The following DCC variants were observed in gnomAD, a reference collection of about 807,000 sequenced individuals.
DCC encodes netrin receptor DCC.
DCC carries 58 observed loss-of-function variants against 172.5 expected under a neutral mutation model. That is an observed-to-expected ratio of 0.34 (90% CI 0.27 to 0.42). The LOEUF (loss-of-function observed/expected upper bound fraction) is 0.42, where lower values mean the gene tolerates loss of function less well. DCC is among the 10% of genes least tolerant of loss of function. The probability of loss-of-function intolerance (pLI) is 1.00; values close to 1 mark genes in which losing one functional copy is unlikely to be tolerated. For missense variants in DCC, 1,740 were observed against 1,791.0 expected (o/e 0.97, Z 0.51); for synonymous variants, 709 against 644.5 (o/e 1.10, Z -1.52).
At chr18:53,522,688 G>A (rs748501533) in intron 27 of DCC, among the ~76,000 whole-genome samples, 5 of 152,202 alleles carry the variant, frequency 3.3e-5, no homozygotes, top group Non-Finnish European at 5.9e-5. Flanking sequence ...TTTAATAAAT[G>A]GTGTTGGGAA....
In DCC at chr18:53,026,235, GAA is replaced by G. The variant is rs745861023; in HGVS notation, c.986-37065_986-37064del. Among the ~76,000 whole-genome samples the G allele has an allele frequency of 2.0e-5, 3 of 152,052 alleles. No homozygotes were observed. The South Asian group carries it at 6.2e-4, about 32-fold the overall frequency. ...TTAAACTTAATTTAGAAAATTGGGT[GAA>G]AAAAGAAAATTTAATGCTCTGTCAC... On this transcript the variant is annotated intron_variant, in intron 5 of 28. Coordinates refer to ENST00000442544, the MANE Select transcript of DCC (RefSeq NM_005215.4).
At position 52,440,570 on chromosome 18, in the gene DCC, C is replaced by T. The variant is rs577803174; in HGVS notation, c.91+99692C>T. Among the ~76,000 whole-genome samples the T allele has an allele frequency of 1.2e-4, 18 of 152,306 alleles. No homozygotes were observed. In the East Asian group the frequency reaches 3.3e-3, roughly 28 times the overall value. On this transcript the variant is annotated intron_variant, in intron 1 of 28. Transcript: ENST00000442544. The stretch of plus-strand genomic sequence containing the variant: ...AAAGGGAGTGATATTGCATAGTAAA[C>T]AGTAAATGCCTCACACAATGGGAAC...
At chr18:53,190,044 A>G (rs2055342586) in intron 9 of DCC, among the ~76,000 whole-genome samples, 1 of 152,166 alleles carries the variant, frequency 6.6e-6, no homozygotes. Flanking sequence ...CTCCTGCCTC[A>G]GCCTCCCGAG....
intron 2 of DCC, among the ~76,000 whole-genome samples, chr18:52,793,949 TAGG>T (rs1279206894): frequency 9.9e-5 from 15 of 151,994 alleles, no homozygotes; most frequent in South Asian, 2.1e-4. Context: ...TGGCTGTAAA[TAGG>T]AGGATTAATT....
At chr18:52,856,254 T>C (rs1356120936) in intron 2 of DCC, among the ~76,000 whole-genome samples, 2 of 152,114 alleles carry the variant, frequency 1.3e-5, no homozygotes, top group Non-Finnish European at 2.9e-5. Flanking sequence ...GATAGATAAT[T>C]TCATTATTCT....
intron 5 of DCC, among the ~76,000 whole-genome samples, chr18:52,941,711 C>G (rs2040467842): frequency 6.6e-6 from 1 of 151,490 alleles, no homozygotes; most frequent in Admixed American, 6.6e-5. Context: ...ACCAAAGAGA[C>G]TACTATTAAT....
At chr18:53,236,813 A>G (rs11664095) in intron 12 of DCC, among the ~76,000 whole-genome samples, 52,257 of 151,874 alleles carry the variant, frequency 0.34, 10,719 homozygotes, top group East Asian at 0.6. Context: ...GGCACCATTT[A>G]TTAAAAGAGT....
chr18:53,329,993 C>A (rs1568060526), intron 14 of DCC, among the ~76,000 whole-genome samples: 1 of 152,160 alleles, frequency 6.6e-6, no homozygotes, highest in Non-Finnish European at 1.5e-5. Context: ...ATTGCCAGTA[C>A]TTTTAGCAGA....
At chr18:53,065,685 T>C (rs551248836) in intron 6 of DCC, among the ~76,000 whole-genome samples, 8 of 152,332 alleles carry the variant, frequency 5.3e-5, no homozygotes, top group African/African-American at 1.9e-4. Flanking sequence ...CTGAACTTCC[T>C]TCAATAACAA....
chr18:52,628,877 G>A (rs544759428), intron 1 of DCC, among the ~76,000 whole-genome samples: 5 of 152,268 alleles, frequency 3.3e-5, no homozygotes, highest in Non-Finnish European at 7.4e-5. Context: ...CCTAAGTTGG[G>A]CATCTGTGCA....
chr18:53,502,015 AAAT>A (rs748359969), intron 27 of DCC, among the ~76,000 whole-genome samples: 15 of 152,202 alleles, frequency 9.9e-5, no homozygotes, highest in Non-Finnish European at 1.8e-4. Context: ...TAATTTCATC[AAAT>A]AATAAGCATG....
chr18:53,454,772 T>A (rs894171856), intron 23 of DCC, among the ~76,000 whole-genome samples: 4 of 152,186 alleles, frequency 2.6e-5, no homozygotes, highest in Admixed American at 1.3e-4. Flanking sequence ...ATCTACAGTA[T>A]TTTAACTATT....
At chr18:53,272,349 T>C (rs1210459687) in intron 12 of DCC, among the ~76,000 whole-genome samples, 1 of 152,180 alleles carries the variant, frequency 6.6e-6, no homozygotes, top group Admixed American at 6.6e-5. Context: ...ATACATTGTA[T>C]TTTTCTATGT....
intron 1 of DCC, among the ~76,000 whole-genome samples, chr18:52,511,815 C>T (rs534419033): frequency 7.2e-5 from 11 of 152,272 alleles, no homozygotes; most frequent in East Asian, 5.8e-4. Flanking sequence ...TGTGATTGGA[C>T]GGGAACACAG....
intron 1 of DCC, among the ~76,000 whole-genome samples, chr18:52,641,247 T>C (rs1190686619): frequency 1.3e-5 from 2 of 152,130 alleles, no homozygotes; most frequent in Non-Finnish European, 2.9e-5. Flanking sequence ...ACCTAAGACC[T>C]GAAACTAAAA....
chr18:52,857,288 T>C (rs1017723788), intron 2 of DCC, among the ~76,000 whole-genome samples: 1 of 152,244 alleles, frequency 6.6e-6, no homozygotes, highest in Non-Finnish European at 1.5e-5. Context: ...GCTCTAAAGA[T>C]ACATGCTAAT....
intron 1 of DCC, among the ~76,000 whole-genome samples, chr18:52,432,328 C>T (rs1171919010): frequency 6.6e-6 from 1 of 152,100 alleles, no homozygotes. Context: ...TGTACGAGGA[C>T]ATTTGCAGCT....
intron 1 of DCC, among the ~76,000 whole-genome samples, chr18:52,510,980 T>G (rs1014038203): frequency 2.6e-5 from 4 of 152,112 alleles, no homozygotes; most frequent in African/African-American, 7.2e-5. Flanking sequence ...CTCACATAGC[T>G]CTAGGGTAAA....
chr18:53,183,941 G>A (rs2055238778), intron 9 of DCC, among the ~76,000 whole-genome samples: 1 of 148,534 alleles, frequency 6.7e-6, no homozygotes, highest in Admixed American at 6.8e-5. Flanking sequence ...TTCTTCCTAA[G>A]TTGCAAAAAT....
Sources: gnomAD v4.1 joint callset for allele counts (sites outside exome capture counted in the v4.1 genomes callset) on GRCh38, gnomAD v4.1.1 for gene constraint, MANE v1.5 for transcripts, NCBI Gene and HGNC (gene_info 2026-07-23, HGNC 2026-07-21) for gene names.